The following PCDHGB1 variants were observed in gnomAD, a reference collection of about 807,000 sequenced individuals.
The protein encoded by PCDHGB1 is protocadherin gamma-B1.
In PCDHGB1, 34 loss-of-function variants were observed where a neutral mutation model predicts 56.6. That is an observed-to-expected ratio of 0.60 (90% confidence interval 0.46 to 0.80). The LOEUF is 0.80. Ranked by LOEUF, PCDHGB1 falls within the 30% of genes least tolerant of loss-of-function variation. The pLI is 0.00. For synonymous variants in PCDHGB1, 561 were observed against 505.9 expected (o/e 1.11, Z -1.46); for missense variants, 1,278 against 1,204.6 (o/e 1.06, Z -0.90).
intron 1 of PCDHGB1, chr5:141,365,839 C>T (rs1212060265): frequency 1.9e-6 from 3 of 1,613,840 alleles, no homozygotes; most frequent in Non-Finnish European, 2.5e-6. Context: ...CCTTGTCCTC[C>T]TATGTATCCA....
intron 1 of PCDHGB1, among the ~76,000 whole-genome samples, chr5:141,368,793 T>G (rs1012926253): frequency 6.6e-6 from 1 of 152,202 alleles, no homozygotes; most frequent in Non-Finnish European, 1.5e-5. Context: ...GAATAATTTT[T>G]CATACTAATT....
At chr5:141,372,985 G>A (rs1018239187) in intron 1 of PCDHGB1, 2 of 639,950 alleles carry the variant, frequency 3.1e-6, no homozygotes, top group Non-Finnish European at 5.2e-6. Context: ...TATCTGTGTT[G>A]CAGTTGTTCT....
intron 1 of PCDHGB1, chr5:141,410,723 T>G: frequency 7.2e-7 from 1 of 1,391,168 alleles, no homozygotes; most frequent in Non-Finnish European, 9.6e-7. Context: ...ATGTTTAAAA[T>G]CCATAGCTTT....
chr5:141,450,937 A>G (rs1011608521), intron 1 of PCDHGB1, among the ~76,000 whole-genome samples: 1 of 148,134 alleles, frequency 6.8e-6, no homozygotes, highest in African/African-American at 2.5e-5. Flanking sequence ...CAATTCTCCT[A>G]CCTCAGCCTC....
At chr5:141,386,087 A>G (rs1331014845) in intron 1 of PCDHGB1, 2 of 152,268 alleles carry the variant, frequency 1.3e-5, no homozygotes, top group Non-Finnish European at 2.9e-5. Context: ...TGGTACAGCC[A>G]GATGAAGTGT....
intron 1 of PCDHGB1, chr5:141,415,384 A>C: frequency 1.9e-6 from 3 of 1,614,180 alleles, no homozygotes; most frequent in Non-Finnish European, 2.5e-6. Flanking sequence ...AGGCGGCTTG[A>C]CAGGTGTGTC....
chr5:141,414,271 C>T (rs1561747971), intron 1 of PCDHGB1: 3 of 1,613,292 alleles, frequency 1.9e-6, no homozygotes, highest in East Asian at 2.2e-5. Context: ...AGATTCACCT[C>T]TGGGAACAGT....
At chr5:141,433,869 T>C (rs1293077938) in intron 1 of PCDHGB1, among the ~76,000 whole-genome samples, 8 of 151,960 alleles carry the variant, frequency 5.3e-5, no homozygotes, top group Non-Finnish European at 7.4e-5. Flanking sequence ...TATCCTCTAG[T>C]TTCATCCATT....
chr5:141,362,148 A>G, intron 1 of PCDHGB1: 2 of 1,613,980 alleles, frequency 1.2e-6, no homozygotes, highest in Non-Finnish European at 1.7e-6. Flanking sequence ...TGCAAGAGGT[A>G]TTGCCAGACC....
At chr5:141,422,716 G>A (rs1348237465) in intron 1 of PCDHGB1, 1 of 1,604,378 alleles carries the variant, frequency 6.2e-7, no homozygotes, top group Non-Finnish European at 8.5e-7. Flanking sequence ...GGATGACACT[G>A]TCCAGGGGGT....
chr5:141,431,537 C>A lies in PCDHGB1; in HGVS notation c.2410-63270C>A, dbSNP rs2097391571. On this transcript the variant is annotated intron_variant, in intron 1 of 3. Transcript: ENST00000523390. This position sits in a 1 kb window ranked among gnomAD's most constrained non-coding sequence, Gnocchi z 4.8. ...TCCGGAGAATCTGGCCTTGGGCACG[C>A]AGCTGCTTGTAGTCAACGCTACCGA... 6.2e-7 allele frequency: 1 copy of A among 1,614,102 alleles called. No individual in the cohort carries two copies. The highest frequency in any genetic ancestry group is 1.3e-5 in the African/African-American group (1 of 75,072).
At chr5:141,404,518 T>C (rs775647026) in intron 1 of PCDHGB1, 16 of 1,613,656 alleles carry the variant, frequency 9.9e-6, no homozygotes, top group Non-Finnish European at 1.4e-5. Flanking sequence ...CCTTTGACTA[T>C]GAGCAGTTTA....
chr5:141,437,591 G>T (rs1177672004), intron 1 of PCDHGB1, among the ~76,000 whole-genome samples: 5 of 152,170 alleles, frequency 3.3e-5, no homozygotes, highest in Non-Finnish European at 7.3e-5. Flanking sequence ...GAATTGGATA[G>T]TTCTGGTGTA....
intron 1 of PCDHGB1, chr5:141,376,827 C>T (rs954435109): frequency 2.9e-5 from 8 of 271,594 alleles, no homozygotes; most frequent in Middle Eastern, 1.2e-3. Flanking sequence ...GCTGGGACTA[C>T]AGGCGCCCGC....
At chr5:141,388,576 T>C (rs774429693) in intron 1 of PCDHGB1, 13 of 1,613,890 alleles carry the variant, frequency 8.1e-6, no homozygotes, top group South Asian at 3.3e-5. Context: ...ATACACGTTC[T>C]AGTGACTGAT....
chr5:141,386,894 A>G (rs1266264149), intron 1 of PCDHGB1, among the ~76,000 whole-genome samples: 1 of 152,228 alleles, frequency 6.6e-6, no homozygotes, highest in Non-Finnish European at 1.5e-5. Context: ...TGTTTCCTTC[A>G]ATTCAGAGGT....
At chr5:141,423,346 G>T in intron 1 of PCDHGB1, 1 of 1,614,214 alleles carries the variant, frequency 6.2e-7, no homozygotes, top group South Asian at 1.1e-5. Context: ...CATCTTCCTG[G>T]TCTTTGTCAT....
chr5:141,403,054 A>G, intron 1 of PCDHGB1: 6 of 1,614,062 alleles, frequency 3.7e-6, no homozygotes, highest in Non-Finnish European at 5.1e-6. Flanking sequence ...TTCGCTACTC[A>G]GTGCCTGAAG....
At position 141,476,453 on chromosome 5, in the gene PCDHGB1, G is replaced by A. The variant is rs1432113874; in HGVS notation, c.2410-18354G>A. 3 of 1,614,138 alleles carry A rather than the reference G, an allele frequency of 1.9e-6. No individual in the cohort carries two copies. The East Asian group carries it at 6.7e-5, about 36-fold the overall frequency. ...CACTGTAACTCTGGAGTTGGTAGTG[G>A]AGAACCCGCTGGAGCTGTTCAGCGT... On this transcript the variant is annotated intron_variant, in intron 1 of 3. Transcript: ENST00000523390. The surrounding 1 kb of genome is among the most constrained non-coding windows in gnomAD (Gnocchi z 7.6).
Sources: allele counts gnomAD v4.1 joint callset (sites outside exome capture counted in the v4.1 genomes callset), GRCh38; gene constraint gnomAD v4.1.1; non-coding constraint Gnocchi (gnomAD v3.1); transcripts MANE v1.5; gene names NCBI Gene and HGNC (gene_info 2026-07-23, HGNC 2026-07-21).